The following BORCS5 variants were observed in gnomAD, a reference collection of about 807,000 sequenced individuals.
BORCS5 encodes BLOC-1-related complex subunit 5.
A neutral mutation model predicts 22.1 loss-of-function variants in BORCS5; 17 were observed. The observed-to-expected ratio is 0.77, with a 90% CI of 0.53 to 1.15. BORCS5 has a LOEUF of 1.15. BORCS5 is among the 50% of genes most tolerant of loss of function. BORCS5 has a pLI of 0.00. For synonymous variants in BORCS5, 117 were observed against 99.8 expected, an observed-to-expected ratio of 1.17 and a Z score of -1.03; for missense variants, 247 against 253.2, an observed-to-expected ratio of 0.98 and a Z score of 0.17.
rs1943231141 is a variant in BORCS5 at position 12,468,070 on chromosome 12, CT to C, written c.*2296del. ...GACAGGTGCAGGTCCCAGCTTGTGG[CT>C]TGCAGGTCTCAGTCGTACTTGCTCT... On this transcript the variant is annotated 3_prime_UTR_variant, in exon 4 of 4. Transcript: ENST00000314565. 1 of 152,254 alleles carries C rather than the reference CT, an allele frequency of 6.6e-6. No homozygotes were observed. Among genetic ancestry groups the C allele is most frequent in the African/African-American group, 2.4e-5 (1 of 41,448 alleles). 9.4% of individuals were successfully genotyped at this position (152,254 alleles called of 1,614,324 possible).
rs1221939576 is a variant in BORCS5, at chr12:12,385,946, G to A, written c.202+24597G>A. On this transcript the variant is annotated intron_variant, in intron 2 of 3. Coordinates refer to ENST00000314565, the MANE Select transcript of BORCS5 (RefSeq NM_058169.6). ...GCTTTATAGTTACCTTTTGCAGAGAGGATATGTTGATCTCCTCATTTGGAT... is the reference window on the plus strand; with the variant it reads ...GCTTTATAGTTACCTTTTGCAGAGAAGATATGTTGATCTCCTCATTTGGAT... Among the ~76,000 whole-genome samples the A allele has an allele frequency of 3.3e-5, 5 of 150,992 alleles. 1 individual carries two copies. The highest frequency in any genetic ancestry group is 7.4e-5 in the Non-Finnish European group (5 of 67,662).
At chr12:12,364,176 G>T (rs1210388728) in intron 2 of BORCS5, among the ~76,000 whole-genome samples, 1 of 152,034 alleles carries the variant, frequency 6.6e-6, no homozygotes, top group East Asian at 1.9e-4. Context: ...AGGAATTCGA[G>T]ATCAGCCTGG....
intron 2 of BORCS5, among the ~76,000 whole-genome samples, chr12:12,414,111 GA>G (rs1941834218): frequency 5.1e-5 from 4 of 79,124 alleles, no homozygotes; most frequent in Admixed American, 1.1e-4. Flanking sequence ...GCGGGGGGCT[GA>G]CCCCCCCCAC....
chr12:12,452,193 G>A, intron 3 of BORCS5: 2 of 598,054 alleles, frequency 3.3e-6, no homozygotes, highest in Non-Finnish European at 6.4e-6. Context: ...ATTTTTTACA[G>A]CTGATACAGG....
chr12:12,460,505 C>G (rs1347358233), intron 3 of BORCS5, among the ~76,000 whole-genome samples: 1 of 152,196 alleles, frequency 6.6e-6, no homozygotes, highest in Non-Finnish European at 1.5e-5. Flanking sequence ...GCATTGGCTA[C>G]TGCATATAGT....
At chr12:12,367,966 C>G (rs770357724) in intron 2 of BORCS5, among the ~76,000 whole-genome samples, 2 of 152,136 alleles carry the variant, frequency 1.3e-5, no homozygotes, top group Admixed American at 6.5e-5. Flanking sequence ...ATTCAGTTGC[C>G]CTCTTGGCTA....
intron 2 of BORCS5, among the ~76,000 whole-genome samples, chr12:12,414,961 C>T (rs1941890957): frequency 7.5e-6 from 1 of 132,654 alleles, no homozygotes; most frequent in Non-Finnish European, 1.7e-5. Flanking sequence ...GGCGGCCGGG[C>T]AGAGACGCTC....
At position 12,380,816 on chromosome 12, in the gene BORCS5, A is replaced by G. The variant is rs755140662; in HGVS notation, c.202+19467A>G. On this transcript the variant is annotated intron_variant, in intron 2 of 3. Coordinates refer to ENST00000314565, the MANE Select transcript of BORCS5 (RefSeq NM_058169.6). ...TGGTATCTCATTATGGTTTACATTT[A>G]CATTTCTCTAATGATGTTGAGATTA... is the stretch of plus-strand genomic sequence containing the variant. 3.6e-4 allele frequency among the ~76,000 whole-genome samples: 54 copies of G among 151,408 alleles called. 5 individuals are homozygous for G. In the South Asian group the frequency reaches 4.8e-3, roughly 13 times the overall value.
Position 12,441,007 on chromosome 12 carries a change from A to C in BORCS5, c.360+5222A>C, listed in dbSNP as rs530061659. 2.0e-5 allele frequency among the ~76,000 whole-genome samples: 3 copies of C among 152,320 alleles called. No individual in the cohort carries two copies. The South Asian group carries it at 6.2e-4, about 32-fold the overall frequency. Reference sequence around the variant, plus strand: ...TGAGGGGGAAGAGGCAGATGAGACAAGATCAAAGATGAAGGAGAAAGGGGG... The same window carrying C: ...TGAGGGGGAAGAGGCAGATGAGACACGATCAAAGATGAAGGAGAAAGGGGG... On this transcript the variant is annotated intron_variant, in intron 3 of 3. Transcript: ENST00000314565.
At chr12:12,403,140 C>T (rs550134539) in intron 2 of BORCS5, among the ~76,000 whole-genome samples, 2 of 151,514 alleles carry the variant, frequency 1.3e-5, no homozygotes, top group African/African-American at 2.4e-5. Context: ...TAGGTATTTT[C>T]CTCATTTGGC....
intron 3 of BORCS5, among the ~76,000 whole-genome samples, chr12:12,439,614 C>A (rs1942639990): frequency 6.6e-6 from 1 of 152,184 alleles, no homozygotes; most frequent in Non-Finnish European, 1.5e-5. Context: ...GAGCAAGACC[C>A]TGTCTCAAAA....
At chr12:12,430,499 T>G (rs116450639) in intron 2 of BORCS5, among the ~76,000 whole-genome samples, 1,595 of 152,228 alleles carry the variant, frequency 0.01, 28 homozygotes, top group African/African-American at 0.037. Flanking sequence ...TGGTGAGAAT[T>G]AAAGATGAGG....
chr12:12,387,972 A>G (rs1863918731), intron 2 of BORCS5, among the ~76,000 whole-genome samples: 1 of 151,492 alleles, frequency 6.6e-6, no homozygotes, highest in Admixed American at 6.6e-5. Context: ...AAAGCTCATC[A>G]CAGTCAACAG....
At chr12:12,372,485 A>C (rs546226630) in intron 2 of BORCS5, among the ~76,000 whole-genome samples, 1 of 152,290 alleles carries the variant, frequency 6.6e-6, no homozygotes, top group Admixed American at 6.5e-5. Context: ...TGTTGGGATT[A>C]CAGGCATGCA....
chr12:12,434,067 C>T (rs141058420), intron 2 of BORCS5, among the ~76,000 whole-genome samples: 37 of 151,976 alleles, frequency 2.4e-4, no homozygotes, highest in African/African-American at 8.4e-4. Context: ...GCGGGAGGAT[C>T]GCTTGAGCCC....
At chr12:12,465,403 CT>C in intron 3 of BORCS5, 142 bp from the exon 4 acceptor site, 1 of 685,590 alleles carries the variant, frequency 1.5e-6, no homozygotes, top group Non-Finnish European at 2.5e-6. Flanking sequence ...CCCTGAAGGG[CT>C]TTTTAGCCCT....
chr12:12,447,333 A>G lies in BORCS5; in HGVS notation c.360+11548A>G, dbSNP rs548848421. Among the ~76,000 whole-genome samples the G allele has an allele frequency of 1.7e-4, 26 of 152,324 alleles. No homozygotes were observed. The East Asian group carries it at 3.5e-3, about 20-fold the overall frequency. On this transcript the variant is annotated intron_variant, in intron 3 of 3. Transcript: ENST00000314565. The stretch of plus-strand genomic sequence containing the variant: ...TCAGCAACCGCCAACATCCTGGCAC[A>G]TGCAGAGGTCCCGGTTTCCCTTGAT...
chr12:12,435,935 C>T, intron 3 of BORCS5, 150 bp downstream of exon 3: 2 of 741,910 alleles, frequency 2.7e-6, no homozygotes, highest in Non-Finnish European at 4.2e-6. Context: ...AAAAGTGGTC[C>T]ACAGAGCTGG....
chr12:12,362,463 T>C (rs1001096139), intron 2 of BORCS5, among the ~76,000 whole-genome samples: 1 of 152,132 alleles, frequency 6.6e-6, no homozygotes, highest in Admixed American at 6.6e-5. Flanking sequence ...GTGCACAACA[T>C]GCAGGTTTGT....
Sources: allele counts gnomAD v4.1 joint callset (sites outside exome capture counted in the v4.1 genomes callset), GRCh38; gene constraint gnomAD v4.1.1; transcripts MANE v1.5; gene names NCBI Gene and HGNC (gene_info 2026-07-23, HGNC 2026-07-21).